Variants in ZBBX observed in about 807,000 individuals in gnomAD.
ZBBX encodes zinc finger B-box domain containing, also known as zinc finger B-box domain-containing protein 1.
ZBBX carries 101 observed loss-of-function variants against 108.5 expected under a neutral mutation model. The ratio of observed to expected loss-of-function variants is 0.93; its 90% CI spans 0.79 to 1.10. ZBBX has a LOEUF of 1.10. Among genes scored for constraint, ZBBX ranks in the 50% least tolerant of loss-of-function variants. ZBBX has a pLI of 0.00. For missense variants in ZBBX, 1,009 were observed against 941.4 expected, an observed-to-expected ratio of 1.07 and a Z score of -0.94; for synonymous variants, 356 against 323.4, an observed-to-expected ratio of 1.10 and a Z score of -1.08.
chr3:167,266,034 A>G (rs1029022588), intron 20 of ZBBX, among the ~76,000 whole-genome samples: 5 of 152,250 alleles, frequency 3.3e-5, no homozygotes, highest in Admixed American at 2.6e-4. Context: ...TTTCCACAAC[A>G]TGAAGTTAAA....
chr3:167,388,152 C>T lies in ZBBX; in HGVS notation c.-445-7747G>A, dbSNP rs553398556. On this transcript the variant is annotated intron_variant, in intron 1 of 21. Coordinates refer to the ZBBX transcript ENST00000455345. ...GGTGGAATAGTCACAGAAAACCTCT[C>T]TGAGCAACATTTGCAAAGAGCCACG... is the stretch of plus-strand genomic sequence containing the variant. Among the ~76,000 whole-genome samples, 30 of 152,022 alleles carry T rather than the reference C, an allele frequency of 2.0e-4. 1 individual carries two copies. The highest frequency in any genetic ancestry group is 7.0e-4 in the African/African-American group (29 of 41,510).
intron 12 of ZBBX, among the ~76,000 whole-genome samples, chr3:167,321,682 T>C (rs540537073): frequency 7.0e-4 from 106 of 152,140 alleles, no homozygotes; most frequent in African/African-American, 2.5e-3. Context: ...TCTGGTGATA[T>C]CTCTTTGAAT....
chr3:167,282,480 C>T lies in ZBBX; in HGVS notation c.2012G>A (p.Arg671Lys). The T allele has an allele frequency of 6.2e-7, 1 of 1,605,106 alleles. No homozygotes were observed. Among genetic ancestry groups the T allele is most frequent in the Non-Finnish European group, 8.5e-7 (1 of 1,177,346 alleles). The change falls in exon 20 of 22, where the codon AGA becomes AAA. Residue 671 changes from arginine to lysine, a missense_variant. Arg to Lys is a conservative substitution (Grantham distance 26). Transcript: ENST00000675490. ...AAGTGGAAAATTTGCTGTTGAAGGT[C>T]TCTGTGATTTCTGACCTAAAATTAA... is the stretch of plus-strand genomic sequence containing the variant. ...KQQKMGQKSQ[R>K]PSTANFPLSN...
intron 20 of ZBBX, among the ~76,000 whole-genome samples, chr3:167,246,822 T>C (rs532918556): frequency 4.6e-5 from 7 of 152,332 alleles, no homozygotes; most frequent in Admixed American, 4.6e-4. Flanking sequence ...GTAGTTATAA[T>C]GTTATTTATA....
At chr3:167,296,816 A>C (rs1250378446) in intron 18 of ZBBX, among the ~76,000 whole-genome samples, 4 of 152,068 alleles carry the variant, frequency 2.6e-5, no homozygotes, top group Non-Finnish European at 5.9e-5. Flanking sequence ...TGATCTACAC[A>C]TTCAATATAA....
chr3:167,225,080 C>A, the ZBBX span, among the ~76,000 whole-genome samples: 2 of 151,692 alleles, frequency 1.3e-5, no homozygotes. Flanking sequence ...GGAATAGACA[C>A]AAGGAAAGGA....
intron 6 of ZBBX, 28 bp downstream of exon 6, chr3:167,365,858 G>T: frequency 6.6e-7 from 1 of 1,512,550 alleles, no homozygotes; most frequent in Non-Finnish European, 9.1e-7. Flanking sequence ...TTAGCAAAAT[G>T]CATAAGAATC....
chr3:167,298,604 T>A, intron 17 of ZBBX, 146 bp from the exon 18 acceptor site: 1 of 492,068 alleles, frequency 2.0e-6, no homozygotes, highest in Non-Finnish European at 3.4e-6. Context: ...TGGAGACAAA[T>A]AATAAAACAA....
intron 6 of ZBBX, among the ~76,000 whole-genome samples, chr3:167,365,178 G>A (rs1357568256): frequency 2.0e-5 from 3 of 151,676 alleles, no homozygotes; most frequent in Non-Finnish European, 4.4e-5. Flanking sequence ...AAAAACTTTA[G>A]AAGCGCCAAG....
chr3:167,318,263 G>A (rs977179800), intron 12 of ZBBX, among the ~76,000 whole-genome samples: 1 of 151,902 alleles, frequency 6.6e-6, no homozygotes, highest in African/African-American at 2.4e-5. Context: ...TCCATACCAT[G>A]CAAGTTCATA....
At chr3:167,360,823 C>T (rs1009996420) in intron 6 of ZBBX, 100 bp from the exon 7 acceptor site, 17 of 563,152 alleles carry the variant, frequency 3.0e-5, no homozygotes, top group South Asian at 1.4e-4. Context: ...TGGTGCTTTT[C>T]GAACAAAAAT....
chr3:167,181,619 G>A, the ZBBX span, among the ~76,000 whole-genome samples: 454 of 152,142 alleles, frequency 3.0e-3, 4 homozygotes, highest in African/African-American at 0.011. Context: ...CCTTATTTGT[G>A]CTTCCAAATC....
chr3:167,260,877 G>A (rs563421164), intron 20 of ZBBX, among the ~76,000 whole-genome samples: 2 of 152,302 alleles, frequency 1.3e-5, no homozygotes, highest in Admixed American at 1.3e-4. Flanking sequence ...GTGAGCATGT[G>A]TGTTTTCTGG....
chr3:167,404,083 C>T (rs1284715142), intron 1 of ZBBX, among the ~76,000 whole-genome samples: 8 of 151,970 alleles, frequency 5.3e-5, no homozygotes, highest in Admixed American at 5.2e-4. Context: ...ATTTTAAACG[C>T]AACATGGATA....
upstream of ZBBX, among the ~76,000 whole-genome samples, chr3:167,382,921 C>T (rs190745873): frequency 2.5e-3 from 376 of 152,058 alleles, 1 homozygote; most frequent in Non-Finnish European, 3.2e-3. Context: ...ACAACTTTAA[C>T]CAGTTTTGTA....
chr3:167,314,252 T>C (rs1375414784), intron 15 of ZBBX, 136 bp from the exon 16 acceptor site: 1 of 671,602 alleles, frequency 1.5e-6, no homozygotes, highest in Non-Finnish European at 2.2e-6. Flanking sequence ...AATATTTATT[T>C]TAACCTTATG....
chr3:167,206,524 T>A, the ZBBX span, among the ~76,000 whole-genome samples: 5 of 142,540 alleles, frequency 3.5e-5, no homozygotes, highest in Non-Finnish European at 6.4e-5. Context: ...ATAAAAAAAA[T>A]GTCATAATTT....
At chr3:167,204,678 T>C in the ZBBX span, among the ~76,000 whole-genome samples, 3 of 150,782 alleles carry the variant, frequency 2.0e-5, no homozygotes, top group African/African-American at 7.3e-5. Flanking sequence ...TCTTTGCTAT[T>C]GTGAATAGTG....
chr3:167,330,951 C>CTCTCTCTCTCTCTG (rs1553820828), intron 10 of ZBBX, among the ~76,000 whole-genome samples: 2 of 135,848 alleles, frequency 1.5e-5, no homozygotes, highest in African/African-American at 5.5e-5. Flanking sequence ...TTCTTTCTCT[C>CTCTCTCTCTCTCTG]TCTCTCTCTC....
Sources: allele counts gnomAD v4.1 joint callset (sites outside exome capture counted in the v4.1 genomes callset), GRCh38; gene constraint gnomAD v4.1.1; transcripts MANE v1.5; gene names NCBI Gene and HGNC (gene_info 2026-07-23, HGNC 2026-07-21).